The following CIITA variants were observed in gnomAD, a reference collection of about 807,000 sequenced individuals.
CIITA encodes the protein MHC class II transactivator.
CIITA carries 72 observed loss-of-function variants against 115.1 expected under a neutral mutation model. The observed-to-expected ratio is 0.63, with a 90% CI of 0.52 to 0.76. The LOEUF (loss-of-function observed/expected upper bound fraction) is 0.76. Among genes scored for constraint, CIITA ranks in the 30% least tolerant of loss-of-function variants. The pLI, the probability that CIITA is intolerant of heterozygous loss-of-function variation, is 0.00. For missense variants in CIITA, 1,617 were observed against 1,463.8 expected, an observed-to-expected ratio of 1.10 and a Z score of -1.71; for synonymous variants, 763 against 635.6, an observed-to-expected ratio of 1.20 and a Z score of -3.02.
chr16:10,885,213 GC>G (rs2143817561), intron 1 of CIITA, among the ~76,000 whole-genome samples: 1 of 152,292 alleles, frequency 6.6e-6, no homozygotes, highest in South Asian at 2.1e-4. Context: ...TTGCAGCCAA[GC>G]CCCTGTGGCA....
intron 1 of CIITA, among the ~76,000 whole-genome samples, chr16:10,885,983 A>C (rs2143849376): frequency 6.6e-6 from 1 of 151,016 alleles, no homozygotes; most frequent in Non-Finnish European, 1.5e-5. Context: ...CCTATTTCCC[A>C]TACTGGGTGC....
chr16:10,875,980 AAAAAG>A (rs971079774), upstream of CIITA, among the ~76,000 whole-genome samples: 16 of 152,312 alleles, frequency 1.1e-4, no homozygotes, highest in Admixed American at 7.8e-4. Flanking sequence ...AAAAAAAGAA[AAAAAG>A]AAAAGAAAAG....
Position 10,906,622 on chromosome 16 carries a change from G to C in CIITA, c.1130G>C (p.Ser377Thr), listed in dbSNP as rs765530997. The C allele has an allele frequency of 5.6e-6, 9 of 1,613,822 alleles. No homozygotes were observed. The highest frequency in any genetic ancestry group is 7.6e-6 in the Non-Finnish European group (9 of 1,180,002). The change falls in exon 11 of 20, where the codon AGC becomes ACC. Residue 377 changes from serine to threonine, a missense_variant. Transcript: ENST00000324288. ...AGGCTGGAGAGGAGCAGCAGCAAGA[G>C]CCTGGAGCGGGAACTGGCCACCCCG... is the stretch of plus-strand genomic sequence containing the variant. ...QARLERSSSK[S>T]LERELATPDW...
intron 13 of CIITA, among the ~76,000 whole-genome samples, chr16:10,915,255 G>A (rs2039872330): frequency 1.3e-5 from 2 of 151,974 alleles, no homozygotes; most frequent in Admixed American, 6.6e-5. Flanking sequence ...TCACTATGTT[G>A]CCCAAGCTGG....
At chr16:10,891,528 G>T (rs759760735) in intron 1 of CIITA, among the ~76,000 whole-genome samples, 9 of 152,192 alleles carry the variant, frequency 5.9e-5, no homozygotes, top group Non-Finnish European at 1.2e-4. Context: ...AAAGTCCAAA[G>T]TCACACAACT....
chr16:10,923,373 A>G lies in CIITA; in HGVS notation c.*22+48A>G. ...GGGAGAGCCGCAGTGGGTTGGGGGC[A>G]GTGTCCTTGTGAAGGTGGCATTCAA... On this transcript the variant is annotated intron_variant, in intron 19 of 19. Coordinates refer to ENST00000324288, the MANE Select transcript of CIITA (RefSeq NM_000246.4). This position sits in a 1 kb window ranked among gnomAD's most constrained non-coding sequence, Gnocchi z 5.2. 1 of 1,447,684 alleles carries G rather than the reference A, an allele frequency of 6.9e-7. No homozygotes were observed. The highest frequency in any genetic ancestry group is 1.7e-5 in the Admixed American group (1 of 59,794). The allele number at this position is 1,447,684 out of a possible 1,614,324, so 89.7% of individuals were successfully genotyped here.
rs2035908094 is a variant in CIITA, at chr16:10,877,222, G to A, written c.-109G>A. On this transcript the variant is annotated 5_prime_UTR_variant, in exon 1 of 20. Transcript: ENST00000324288. ...TGGTTAGTGATGAGGCTAGTGATGA[G>A]GCTGTGTGCTTCTGAGCTGGGCATC... is the stretch of plus-strand genomic sequence containing the variant. 1 of 904,434 alleles carries A rather than the reference G, an allele frequency of 1.1e-6. No homozygotes were observed. Among genetic ancestry groups the A allele is most frequent in the African/African-American group, 1.6e-5 (1 of 60,776 alleles). The allele number at this position is 904,434 out of a possible 1,614,324, so 56.0% of individuals were successfully genotyped here.
chr16:10,869,573 A>T (rs547943941), intron 1 of CIITA, among the ~76,000 whole-genome samples: 62 of 150,386 alleles, frequency 4.1e-4, no homozygotes, highest in African/African-American at 1.5e-3. Context: ...CCTGGAGTGC[A>T]GTGGTGAGAT....
At position 10,901,724 on chromosome 16, in the gene CIITA, G is replaced by A. The variant is rs1286748345; in HGVS notation, c.481+166G>A. 4.1e-6 allele frequency: 3 copies of A among 736,074 alleles called. No individual in the cohort carries two copies. In the African/African-American group the frequency reaches 5.3e-5, roughly 13 times the overall value. 45.6% of individuals were successfully genotyped at this position (736,074 alleles called of 1,614,324 possible). ...TGGGGTCCCTTAGAGTCCTCTAAGGGGCTCACGACTGTTTGTGGAAGGTGG... is the reference window on the plus strand; with the variant it reads ...TGGGGTCCCTTAGAGTCCTCTAAGGAGCTCACGACTGTTTGTGGAAGGTGG... On this transcript the variant is annotated intron_variant, in intron 6 of 19. Coordinates refer to ENST00000324288, the MANE Select transcript of CIITA (RefSeq NM_000246.4). The surrounding 1 kb of genome is among the most constrained non-coding windows in gnomAD (Gnocchi z 6.8).
At chr16:10,892,355 GGAATGGGGTGGCAAGTT>G (rs2037683582) in intron 1 of CIITA, among the ~76,000 whole-genome samples, 7 of 152,012 alleles carry the variant, frequency 4.6e-5, no homozygotes, top group Admixed American at 2.6e-4. Flanking sequence ...ATGAGTCTCA[GGAATGGGGTGGCAAGTT>G]GAGTGTGTGT....
In CIITA at chr16:10,901,784, C is replaced by G. The variant is rs2038784582; in HGVS notation, c.481+226C>G. ...GGAGCTAACAGATTGTTCATAGGTT[C>G]TATTCTGCCCCAGCTCTCCGTGTGG... On this transcript the variant is annotated intron_variant, in intron 6 of 19. Coordinates refer to ENST00000324288, the MANE Select transcript of CIITA (RefSeq NM_000246.4). This position sits in a 1 kb window ranked among gnomAD's most constrained non-coding sequence, Gnocchi z 6.8. 1.5e-6 allele frequency: 1 copy of G among 665,266 alleles called. No homozygotes were observed. The highest frequency in any genetic ancestry group is 1.8e-5 in the African/African-American group (1 of 55,346). 41.2% of individuals were successfully genotyped at this position (665,266 alleles called of 1,614,324 possible).
chr16:10,871,900 C>G (rs1188998559), intron 1 of CIITA, among the ~76,000 whole-genome samples: 1 of 152,186 alleles, frequency 6.6e-6, no homozygotes, highest in Non-Finnish European at 1.5e-5. Flanking sequence ...CCCAGGCCAG[C>G]CTGTTCCAAA....
chr16:10,916,457 C>T lies in CIITA; in HGVS notation c.3060C>T (p.Leu1020=), dbSNP rs953172008. 1 of 1,610,714 alleles carries T rather than the reference C, an allele frequency of 6.2e-7. No homozygotes were observed. The change falls in exon 15 of 20, where the codon CTC becomes CTT. Residue 1020 remains leucine (L), a splice_region_variant and synonymous_variant. Coordinates refer to ENST00000324288, the MANE Select transcript of CIITA (RefSeq NM_000246.4). ...TFPQLKSLET[L]NLSQNNITDL... is the part of the protein sequence containing the mutation. ...CCCAGCTGAAGTCCTTGGAAACCCT[C>T]AAGTGAGTGAGCTGGGCCTGCCCTT...
chr16:10,902,426 G>A (rs1032275035), intron 7 of CIITA, among the ~76,000 whole-genome samples: 4 of 152,286 alleles, frequency 2.6e-5, no homozygotes, highest in African/African-American at 7.2e-5. Flanking sequence ...CCACCAATTA[G>A]AGCATTCACC....
Position 10,903,876 on chromosome 16 carries a change from C to A in CIITA, c.918C>A (p.Thr306=). ...CCAGCATGCCTGAACCTGCCCTGAC[C>A]TCCCGAGCAAACATGACAGGTAAGG... ...DLPSMPEPAL[T]SRANMTEHKT... Residue 306 remains threonine (T), a synonymous_variant, in exon 9 of 20, where the codon ACC becomes ACA. Transcript: ENST00000324288. 1 of 1,614,226 alleles carries A rather than the reference C, an allele frequency of 6.2e-7. No individual in the cohort carries two copies. Among genetic ancestry groups the A allele is most frequent in the South Asian group, 1.1e-5 (1 of 91,084 alleles).
chr16:10,911,135 C>T (rs984953154), intron 13 of CIITA, among the ~76,000 whole-genome samples: 1 of 152,218 alleles, frequency 6.6e-6, no homozygotes, highest in Non-Finnish European at 1.5e-5. Context: ...GCCCACCATA[C>T]ATGGGCCCCA....
chr16:10,895,488 A>C (rs544907492), intron 2 of CIITA, 60 bp downstream of exon 2: 90 of 1,606,688 alleles, frequency 5.6e-5, no homozygotes, highest in Non-Finnish European at 7.5e-5. Context: ...TGCTGTAGAG[A>C]CGGCAATCAG....
chr16:10,915,566 C>A lies in CIITA; in HGVS notation c.2889-4C>A. Reference sequence around the variant, plus strand: ...AGGTCTTACCCTTGCTCTTTGCCTCCTAGGCTGGGCCCTGTCTCAGGCCCC... The same window carrying A: ...AGGTCTTACCCTTGCTCTTTGCCTCATAGGCTGGGCCCTGTCTCAGGCCCC... On this transcript the variant is annotated splice_region_variant and splice_polypyrimidine_tract_variant and intron_variant, in intron 13 of 19. Coordinates refer to ENST00000324288, the MANE Select transcript of CIITA (RefSeq NM_000246.4). 1 of 1,613,694 alleles carries A rather than the reference C, an allele frequency of 6.2e-7. No homozygotes were observed. Among genetic ancestry groups the A allele is most frequent in the Non-Finnish European group, 8.5e-7 (1 of 1,179,620 alleles).
At chr16:10,895,899 A>G (rs1008731084) in intron 3 of CIITA, 135 bp downstream of exon 3, 2 of 893,686 alleles carry the variant, frequency 2.2e-6, no homozygotes, top group Admixed American at 4.0e-5. Flanking sequence ...GATGCGGAGC[A>G]ATGGCTGGAG....
Sources: allele counts gnomAD v4.1 joint callset (sites outside exome capture counted in the v4.1 genomes callset), GRCh38; gene constraint gnomAD v4.1.1; non-coding constraint Gnocchi (gnomAD v3.1); transcripts MANE v1.5; gene names NCBI Gene and HGNC (gene_info 2026-07-23, HGNC 2026-07-21).